AGBL3: variants seen among roughly 807,000 people sequenced by gnomAD.
The protein encoded by AGBL3 is cytosolic carboxypeptidase 3.
Under a neutral mutation model 94.5 loss-of-function variants are expected in AGBL3, and 68 were observed. The ratio of observed to expected loss-of-function variants is 0.72; its 90% CI spans 0.59 to 0.88. AGBL3 has a LOEUF of 0.88. Ranked by LOEUF, AGBL3 falls within the 40% of genes least tolerant of loss-of-function variation. AGBL3 has a pLI of 0.00. For synonymous variants in AGBL3, 354 were observed against 370.7 expected (o/e 0.95, Z 0.52); for missense variants, 934 against 1,103.8 (o/e 0.85, Z 2.18).
intron 11 of AGBL3, 117 bp from the exon 12 acceptor site, chr7:135,059,052 C>T (rs749661758): frequency 3.1e-5 from 25 of 807,270 alleles, no homozygotes; most frequent in Non-Finnish European, 4.3e-5. Context: ...TCACTGCGCC[C>T]GGCCACTTCT....
intron 16 of AGBL3, among the ~76,000 whole-genome samples, chr7:135,126,057 G>C (rs758396387): frequency 2.0e-5 from 3 of 152,178 alleles, no homozygotes; most frequent in Non-Finnish European, 4.4e-5. Flanking sequence ...AATCAGGCAA[G>C]AGAAAGAAGT....
intron 12 of AGBL3, among the ~76,000 whole-genome samples, chr7:135,074,495 A>C (rs1246347643): frequency 6.6e-6 from 1 of 152,114 alleles, no homozygotes; most frequent in Non-Finnish European, 1.5e-5. Flanking sequence ...AATTCAAAAA[A>C]ATTTTAAACA....
rs536398084 is a variant in AGBL3, at chr7:135,008,045, C to T, written c.311-9007C>T. ...TGGATCAAAAGACTTACTATTATTA[C>T]GATGACAGTCCTCTCCAAATGAATC... On this transcript the variant is annotated intron_variant, in intron 4 of 16. Coordinates refer to ENST00000436302, the MANE Select transcript of AGBL3 (RefSeq NM_178563.4). Among the ~76,000 whole-genome samples the T allele has an allele frequency of 5.6e-4, 85 of 152,058 alleles. 1 individual carries two copies. Among genetic ancestry groups the T allele is most frequent in the African/African-American group, 1.7e-3 (69 of 41,538 alleles).
intron 4 of AGBL3, among the ~76,000 whole-genome samples, chr7:134,994,305 G>A (rs1414842818): frequency 6.6e-6 from 1 of 151,298 alleles, no homozygotes. Flanking sequence ...TTCTCTTTCT[G>A]CTCCTTTGTC....
intron 15 of AGBL3, among the ~76,000 whole-genome samples, chr7:135,083,730 C>A (rs1232480932): frequency 6.6e-6 from 1 of 152,158 alleles, no homozygotes; most frequent in Non-Finnish European, 1.5e-5. Flanking sequence ...GGAACATTGG[C>A]TCAGCCTTTC....
At chr7:134,994,425 A>AT (rs10714881) in intron 4 of AGBL3, among the ~76,000 whole-genome samples, 70,121 of 151,776 alleles carry the variant, frequency 0.46, 16,970 homozygotes, top group African/African-American at 0.61. Flanking sequence ...TCCCAAATTC[A>AT]TTTTTGCTTT....
intron 5 of AGBL3, among the ~76,000 whole-genome samples, chr7:135,021,293 C>CTTT (rs1198934867): frequency 7.1e-6 from 1 of 140,922 alleles, no homozygotes; most frequent in Non-Finnish European, 1.6e-5. Flanking sequence ...CATCATTTTA[C>CTTT]TTTTTTTTTT....
At chr7:135,060,354 G>A (rs1054510224) in intron 12 of AGBL3, among the ~76,000 whole-genome samples, 1 of 152,072 alleles carries the variant, frequency 6.6e-6, no homozygotes, top group African/African-American at 2.4e-5. Context: ...GTGAAATTGA[G>A]CTAATTAATA....
chr7:135,080,805 G>T (rs987713873), intron 14 of AGBL3, among the ~76,000 whole-genome samples: 2 of 150,028 alleles, frequency 1.3e-5, no homozygotes, highest in Non-Finnish European at 3.0e-5. Context: ...TTGGCAGGGG[G>T]AATCATATAA....
intron 16 of AGBL3, among the ~76,000 whole-genome samples, chr7:135,126,464 C>T (rs1344383492): frequency 6.6e-6 from 1 of 152,158 alleles, no homozygotes; most frequent in Non-Finnish European, 1.5e-5. Context: ...CAGTACTGCC[C>T]AAAGTAATTT....
chr7:134,987,245 T>C (rs1411022077), intron 1 of AGBL3, among the ~76,000 whole-genome samples: 3 of 152,232 alleles, frequency 2.0e-5, no homozygotes, highest in African/African-American at 7.2e-5. Context: ...TCGAGTCCTT[T>C]GGTCTCTCAA....
At chr7:135,016,480 C>A (rs961427447) in intron 4 of AGBL3, among the ~76,000 whole-genome samples, 1 of 151,816 alleles carries the variant, frequency 6.6e-6, no homozygotes. Context: ...GCTGTGATGT[C>A]ATTTTTCCCC....
At chr7:135,074,100 CTA>C (rs1820233067) in intron 12 of AGBL3, among the ~76,000 whole-genome samples, 1 of 152,064 alleles carries the variant, frequency 6.6e-6, no homozygotes, top group East Asian at 1.9e-4. Context: ...TAAGTGGTAA[CTA>C]TGTGAGGTGA....
chr7:135,078,867 A>ATGGCT (rs1303672928), intron 13 of AGBL3, among the ~76,000 whole-genome samples: 1 of 152,178 alleles, frequency 6.6e-6, no homozygotes, highest in Non-Finnish European at 1.5e-5. Flanking sequence ...ACTCAGGTAA[A>ATGGCT]TGGCTGAGGG....
At chr7:135,129,615 G>C (rs1828445264) in intron 16 of AGBL3, 2 of 775,566 alleles carry the variant, frequency 2.6e-6, no homozygotes, top group African/African-American at 3.4e-5. Context: ...CACTGATCCT[G>C]CTTCAACATG....
chr7:135,089,858 C>A (rs947486681), intron 15 of AGBL3, among the ~76,000 whole-genome samples: 1 of 152,042 alleles, frequency 6.6e-6, no homozygotes, highest in African/African-American at 2.4e-5. Context: ...GGTTGTGGGA[C>A]CAGGGTCTTA....
intron 16 of AGBL3, chr7:135,128,825 C>CT: frequency 8.7e-7 from 1 of 1,151,536 alleles, no homozygotes; most frequent in Non-Finnish European, 1.3e-6. Context: ...GATGAGACAG[C>CT]TGTGTGCAGG....
intron 11 of AGBL3, among the ~76,000 whole-genome samples, chr7:135,050,586 G>C (rs1817782374): frequency 6.6e-6 from 1 of 151,824 alleles, no homozygotes; most frequent in Admixed American, 6.6e-5. Context: ...ATTTGTGATT[G>C]TTGTATCTTC....
At chr7:135,098,584 G>C (rs1823278662) in intron 15 of AGBL3, among the ~76,000 whole-genome samples, 1 of 152,134 alleles carries the variant, frequency 6.6e-6, no homozygotes, top group African/African-American at 2.4e-5. Context: ...TATCTAACTT[G>C]ATGTCATTGC....
Sources: gnomAD v4.1 joint callset for allele counts (sites outside exome capture counted in the v4.1 genomes callset) on GRCh38, gnomAD v4.1.1 for gene constraint, MANE v1.5 for transcripts, NCBI Gene and HGNC (gene_info 2026-07-23, HGNC 2026-07-21) for gene names.